The following PPP4R3A variants were observed in gnomAD, a reference collection of about 807,000 sequenced individuals.
PPP4R3A encodes the protein serine/threonine-protein phosphatase 4 regulatory subunit 3A.
A neutral mutation model predicts 91.7 loss-of-function variants in PPP4R3A; 15 were observed. That is an observed-to-expected ratio of 0.16 (90% CI 0.11 to 0.25). The LOEUF is 0.25. Ranked by LOEUF, PPP4R3A falls within the 10% of genes least tolerant of loss-of-function variation. PPP4R3A has a pLI of 1.00. For synonymous variants in PPP4R3A, 377 were observed against 348.7 expected (o/e 1.08, Z -0.91); for missense variants, 623 against 998.4 (o/e 0.62, Z 5.07).
In PPP4R3A at chr14:91,489,753, TTTC is replaced by T. The variant is rs1366549668; in HGVS notation, c.198+991_198+993del. ...CTAGATTTTTCCATTAAACTTAAGT[TTTC>T]TTAAGAACACTAAATGCAATACAGT... On this transcript the variant is annotated intron_variant, in intron 2 of 14. Coordinates refer to ENST00000554943, the MANE Select transcript of PPP4R3A (RefSeq NM_001366432.2). Among the ~76,000 whole-genome samples, 7 of 152,222 alleles carry T rather than the reference TTTC, an allele frequency of 4.6e-5. No homozygotes were observed. The East Asian group carries it at 9.6e-4, about 21-fold the overall frequency.
chr14:91,509,599 G>T lies in PPP4R3A; in HGVS notation c.49C>A (p.Arg17=), dbSNP rs568749082. Residue 17 remains arginine (R), a synonymous_variant, in exon 1 of 15, where the codon CGG becomes AGG. Transcript: ENST00000554943. ...CCGGTGCCCCGGTCGTCCCACTGCC[G>T]GTCCTCGTTGAGCGTGTACACCTTC... The part of the protein sequence containing the change: ...RVKVYTLNED[R]QWDDRGTGHV... 17 of 1,603,156 alleles carry T rather than the reference G, an allele frequency of 1.1e-5. No individual in the cohort carries two copies. In the South Asian group the frequency reaches 1.7e-4, roughly 16 times the overall value.
intron 11 of PPP4R3A, 71 bp from the exon 12 acceptor site, chr14:91,462,948 C>A: frequency 1.7e-6 from 2 of 1,160,210 alleles, no homozygotes; most frequent in South Asian, 1.4e-5. Context: ...TTAATTTAAT[C>A]AATTCATACC....
chr14:91,487,521 T>C (rs1415962574), intron 2 of PPP4R3A, among the ~76,000 whole-genome samples: 2 of 151,962 alleles, frequency 1.3e-5, no homozygotes, highest in Non-Finnish European at 2.9e-5. Context: ...TTGAATATGG[T>C]ATAAAGAAAA....
intron 4 of PPP4R3A, 21 bp from the exon 5 acceptor site, chr14:91,477,007 G>GC (rs1889253427): frequency 6.4e-7 from 1 of 1,555,644 alleles, no homozygotes; most frequent in Admixed American, 1.8e-5. Context: ...AAGGACAAAT[G>GC]CAATTATGTT....
rs1566660222 is a variant in PPP4R3A at position 91,507,394 on chromosome 14, T to TATACTATAATTATATATACTACATA, written c.142+2111_142+2112insTATGTAGTATATATAATTATAGTAT. ...ATAATTATATATACTATATAGTATA[T>TATACTATAATTATATATACTACATA]GTACTATAATTATATATACTATATA... On this transcript the variant is annotated intron_variant, in intron 1 of 14. Coordinates refer to ENST00000554943, the MANE Select transcript of PPP4R3A (RefSeq NM_001366432.2). Among the ~76,000 whole-genome samples, 2 of 59,668 alleles carry TATACTATAATTATATATACTACATA rather than the reference T, an allele frequency of 3.4e-5. 1 individual carries two copies. Among genetic ancestry groups the TATACTATAATTATATATACTACATA allele is most frequent in the Non-Finnish European group, 7.2e-5 (2 of 27,720 alleles). 39.1% of individuals were successfully genotyped at this position (59,668 alleles called of 152,430 possible).
Position 91,481,633 on chromosome 14 carries a change from T to G in PPP4R3A, c.858A>C (p.Leu286Phe). 6.2e-7 allele frequency: 1 copy of G among 1,607,990 alleles called. No individual in the cohort carries two copies. Among genetic ancestry groups the G allele is most frequent in the South Asian group, 1.1e-5 (1 of 89,270 alleles). Residue 286 changes from leucine to phenylalanine, a missense_variant, in exon 4 of 15, where the codon TTA becomes TTC. By Grantham distance (22) the Leu-to-Phe change is conservative. Around this residue, in one of 5 missense-constraint regions of PPP4R3A, gnomAD observed 264 missense variants for 377.3 expected, o/e 0.70. Transcript: ENST00000554943. Reference sequence around the variant, plus strand: ...AAAAGATAAAAGAGTGAAGTGTTGATAACATGTTTTCTTCAAAGACCGAAG... The same window carrying G: ...AAAAGATAAAAGAGTGAAGTGTTGAGAACATGTTTTCTTCAAAGACCGAAG... ...PTPSVFEENM[L>F]STLHSFIFFN...
chr14:91,476,035 C>A, intron 6 of PPP4R3A, 69 bp from the exon 7 acceptor site: 3 of 1,399,074 alleles, frequency 2.1e-6, no homozygotes, highest in South Asian at 1.7e-5. Flanking sequence ...TGTAAATATC[C>A]AAACCTAACA....
At chr14:91,506,071 G>A (rs921354868) in intron 1 of PPP4R3A, among the ~76,000 whole-genome samples, 1 of 151,844 alleles carries the variant, frequency 6.6e-6, no homozygotes. Flanking sequence ...TCAGCCTCCT[G>A]AGCAGCTGGG....
rs530445219 is a variant in PPP4R3A at position 91,488,525 on chromosome 14, C to T, written c.198+2222G>A. On this transcript the variant is annotated intron_variant, in intron 2 of 14. Transcript: ENST00000554943. ...CTATTAACATTCTAAGATCAACATGCCAAAAATTGGTAAGGTTTCATTTTT... is the reference window on the plus strand; with the variant it reads ...CTATTAACATTCTAAGATCAACATGTCAAAAATTGGTAAGGTTTCATTTTT... Among the ~76,000 whole-genome samples the T allele has an allele frequency of 7.9e-5, 12 of 152,232 alleles. No homozygotes were observed. The East Asian group carries it at 1.7e-3, about 22-fold the overall frequency.
At position 91,478,302 on chromosome 14, in the gene PPP4R3A, A is replaced by G. The variant is rs1470846426; in HGVS notation, c.916-1316T>C. Among the ~76,000 whole-genome samples, 3 of 152,256 alleles carry G rather than the reference A, an allele frequency of 2.0e-5. No homozygotes were observed. In the Middle Eastern group the frequency reaches 9.5e-3, roughly 482 times the overall value. Reference sequence around the variant, plus strand: ...AAAAAGACATTCTCTGAACTGCTGCAGTTGGGGGTACAGAAATAGAGAAAA... The same window carrying G: ...AAAAAGACATTCTCTGAACTGCTGCGGTTGGGGGTACAGAAATAGAGAAAA... On this transcript the variant is annotated intron_variant, in intron 4 of 14. Coordinates refer to ENST00000554943, the MANE Select transcript of PPP4R3A (RefSeq NM_001366432.2).
At chr14:91,503,259 G>A (rs1432695392) in intron 1 of PPP4R3A, among the ~76,000 whole-genome samples, 1 of 151,718 alleles carries the variant, frequency 6.6e-6, no homozygotes, top group East Asian at 1.9e-4. Context: ...CAAAGTGCTA[G>A]GATTACAGAT....
At chr14:91,495,590 C>A (rs1383500067) in intron 1 of PPP4R3A, among the ~76,000 whole-genome samples, 1 of 151,624 alleles carries the variant, frequency 6.6e-6, no homozygotes, top group Non-Finnish European at 1.5e-5. Context: ...ACAAAATGTT[C>A]TAAAATTAGA....
In PPP4R3A at chr14:91,463,535, G is replaced by C. The variant is rs139890654; in HGVS notation, c.1831-658C>G. Reference sequence around the variant, plus strand: ...TGCAGGCTTGAACTCCTGGGCTCAAGCAATCCTCCCACCTCAGCCTCCTGA... The same window carrying C: ...TGCAGGCTTGAACTCCTGGGCTCAACCAATCCTCCCACCTCAGCCTCCTGA... On this transcript the variant is annotated intron_variant, in intron 11 of 14. Coordinates refer to ENST00000554943, the MANE Select transcript of PPP4R3A (RefSeq NM_001366432.2). Among the ~76,000 whole-genome samples, 1,400 of 152,136 alleles carry C rather than the reference G, an allele frequency of 9.2e-3. 29 individuals carry two copies. Among genetic ancestry groups the C allele is most frequent in the African/African-American group, 0.032 (1,334 of 41,506 alleles).
Position 91,509,521 on chromosome 14 carries a change from T to C in PPP4R3A, c.127A>G (p.Arg43Gly). The change falls in exon 1 of 15, where the codon AGG (arginine) becomes GGG (glycine). Residue 43 changes from arginine to glycine, a missense_variant. Arg to Gly is a moderately radical substitution (Grantham distance 125, BLOSUM62 -2). Coordinates refer to ENST00000554943, the MANE Select transcript of PPP4R3A (RefSeq NM_001366432.2). The part of the protein sequence containing the change: ...ERLKGMSLLV[R>G]AESDGSLLLE... Reference sequence around the variant, plus strand: ...CTTCACTTACCGTCGCTCTCAGCCCTGACAAGCAGGGACATGCCCTTCAGC... The same window carrying C: ...CTTCACTTACCGTCGCTCTCAGCCCCGACAAGCAGGGACATGCCCTTCAGC... The C allele has an allele frequency of 6.3e-7, 1 of 1,595,154 alleles. No individual in the cohort carries two copies. The highest frequency in any genetic ancestry group is 8.5e-7 in the Non-Finnish European group (1 of 1,176,092).
chr14:91,466,461 GT>G (rs1005665840), intron 10 of PPP4R3A: 1 of 985,622 alleles, frequency 1.0e-6, no homozygotes, highest in African/African-American at 1.7e-5. Flanking sequence ...TTTTTCTTTA[GT>G]TGGCAGAAAA....
At chr14:91,474,070 A>G (rs1481639636) in intron 7 of PPP4R3A, among the ~76,000 whole-genome samples, 1 of 152,114 alleles carries the variant, frequency 6.6e-6, no homozygotes, top group East Asian at 1.9e-4. Flanking sequence ...TGCCTGGTCT[A>G]TTGCTTTTAT....
At position 91,509,618 on chromosome 14, in the gene PPP4R3A, C is replaced by T. The variant is rs761903141; in HGVS notation, c.30G>A (p.Val10=). 15 of 1,601,544 alleles carry T rather than the reference C, an allele frequency of 9.4e-6. No individual in the cohort carries two copies. The Admixed American group carries it at 2.5e-4, about 27-fold the overall frequency. The change falls in exon 1 of 15, where the codon GTG becomes GTA. Residue 10 remains valine (V), a synonymous_variant. Transcript: ENST00000554943. The part of the protein sequence containing the change: MTDTRRRVK[V]YTLNEDRQWD... The stretch of plus-strand genomic sequence containing the variant: ...ACTGCCGGTCCTCGTTGAGCGTGTA[C>T]ACCTTCACCCGCCGCCGGGTGTCGG...
rs8006817 is a variant in PPP4R3A at position 91,461,373 on chromosome 14, G to A, written c.2391+8C>T. ...AAAAAGGGGGCAAAATGGGAGTCAA[G>A]AATGTACCTTTGTAGTAATAGCTGC... On this transcript the variant is annotated splice_region_variant and intron_variant, in intron 14 of 14. Transcript: ENST00000554943. The A allele has an allele frequency of 0.47, 749,260 of 1,595,078 alleles. 178,663 individuals carry two copies. The highest frequency in any genetic ancestry group is 0.57 in the Admixed American group (33,878 of 59,404).
intron 1 of PPP4R3A, among the ~76,000 whole-genome samples, chr14:91,499,721 T>C (rs909811233): frequency 6.7e-6 from 1 of 149,682 alleles, no homozygotes; most frequent in African/African-American, 2.5e-5. Context: ...CTCGGGAAGC[T>C]GAGGCAGGAG....
Sources: gnomAD v4.1 joint callset for allele counts (sites outside exome capture counted in the v4.1 genomes callset) on GRCh38, gnomAD v4.1.1 for gene constraint, gnomAD v4.1.1 regional missense constraint, MANE v1.5 for transcripts, NCBI Gene and HGNC (gene_info 2026-07-23, HGNC 2026-07-21) for gene names.